Variants in TRIM5 observed in about 807,000 individuals in gnomAD.
TRIM5 encodes tripartite motif-containing protein 5.
A neutral mutation model predicts 35.6 loss-of-function variants in TRIM5; 31 were observed. That is an observed-to-expected ratio of 0.87 (90% CI 0.65 to 1.18). The LOEUF is 1.18. Among genes scored for constraint, TRIM5 ranks in the 50% most tolerant of loss-of-function variants. TRIM5 has a pLI of 0.00. For synonymous variants in TRIM5, 243 were observed against 215.6 expected, an observed-to-expected ratio of 1.13 and a Z score of -1.11; for missense variants, 609 against 591.6, an observed-to-expected ratio of 1.03 and a Z score of -0.31.
chr11:5,671,617 A>C (rs1390311843), intron 4 of TRIM5, among the ~76,000 whole-genome samples: 4 of 152,128 alleles, frequency 2.6e-5, no homozygotes, highest in Admixed American at 6.5e-5. Context: ...CATCAATAAA[A>C]ATTTTCTGAT....
At chr11:5,644,206 G>A in the TRIM5 span, 1 of 398,958 alleles carries the variant, frequency 2.5e-6, no homozygotes, top group African/African-American at 2.1e-5. Flanking sequence ...CAGAGTATTT[G>A]AGCTCAAACC....
At chr11:5,666,768 CAAG>C (rs909358605) in intron 5 of TRIM5, among the ~76,000 whole-genome samples, 5 of 152,254 alleles carry the variant, frequency 3.3e-5, no homozygotes, top group Non-Finnish European at 2.9e-5. Context: ...ATTTTAGACA[CAAG>C]AATAGCACCT....
the TRIM5 span, among the ~76,000 whole-genome samples, chr11:5,621,589 C>T: frequency 8.5e-5 from 13 of 152,174 alleles, no homozygotes; most frequent in Non-Finnish European, 1.6e-4. Context: ...GATTTTTCTA[C>T]CATTAATATA....
chr11:5,623,105 CTTTTTTTTTTTT>C, the TRIM5 span, among the ~76,000 whole-genome samples: 1 of 106,838 alleles, frequency 9.4e-6, no homozygotes, highest in Non-Finnish European at 1.9e-5. Context: ...CTGTCTGGAG[CTTTTTTTTTTTT>C]TTTTTTTTTA....
At chr11:5,624,323 C>T in the TRIM5 span, among the ~76,000 whole-genome samples, 1 of 152,164 alleles carries the variant, frequency 6.6e-6, no homozygotes, top group Admixed American at 6.5e-5. Flanking sequence ...AGTTTTACCC[C>T]TTTTAAAGAT....
chr11:5,628,894 T>G, the TRIM5 span, among the ~76,000 whole-genome samples: 1 of 152,106 alleles, frequency 6.6e-6, no homozygotes, highest in Admixed American at 6.6e-5. Context: ...TCGGCATTCT[T>G]TGGCTTATAT....
chr11:5,631,406 G>A, the TRIM5 span, among the ~76,000 whole-genome samples: 1 of 152,160 alleles, frequency 6.6e-6, no homozygotes, highest in African/African-American at 2.4e-5. Context: ...TTCTACCATC[G>A]AATTGGGTGA....
At chr11:5,596,227 T>C in the TRIM5 span, 1 of 152,292 alleles carries the variant, frequency 6.6e-6, no homozygotes, top group East Asian at 1.9e-4. Context: ...CTGTCCCCAC[T>C]TGTCTGGAGA....
chr11:5,605,286 G>T, the TRIM5 span: 3 of 1,610,992 alleles, frequency 1.9e-6, no homozygotes, highest in Non-Finnish European at 2.5e-6. Flanking sequence ...TAATAGAGGA[G>T]ACCCTCAGTG....
At chr11:5,647,846 G>A in the TRIM5 span, among the ~76,000 whole-genome samples, 36 of 152,184 alleles carry the variant, frequency 2.4e-4, no homozygotes, top group African/African-American at 6.5e-4. Context: ...TACAAAACCA[G>A]AGCTAGATGG....
At chr11:5,619,941 C>G in the TRIM5 span, 5 of 151,218 alleles carry the variant, frequency 3.3e-5, no homozygotes, top group East Asian at 9.8e-4. Context: ...CTCAAGTGAT[C>G]CACCCGCCTC....
At chr11:5,653,348 T>C in the TRIM5 span, among the ~76,000 whole-genome samples, 1 of 152,230 alleles carries the variant, frequency 6.6e-6, no homozygotes, top group Admixed American at 6.5e-5. Context: ...GGGCTTCCTA[T>C]ATCTGGATAT....
At chr11:5,605,637 G>A in the TRIM5 span, 1 of 1,501,494 alleles carries the variant, frequency 6.7e-7, no homozygotes, top group Admixed American at 2.4e-5. Flanking sequence ...TCCTTTCTGG[G>A]ACATCAGACT....
chr11:5,605,462 T>C, the TRIM5 span: 1 of 1,614,100 alleles, frequency 6.2e-7, no homozygotes, highest in South Asian at 1.1e-5. Flanking sequence ...GGCTACGAAT[T>C]ATAGAAGAGG....
the TRIM5 span, chr11:5,590,935 CTTCAA>C: frequency 6.1e-6 from 1 of 163,254 alleles, no homozygotes; most frequent in African/African-American, 2.4e-5. Context: ...GACACGCAGT[CTTCAA>C]GAACTGTAAT....
the TRIM5 span, among the ~76,000 whole-genome samples, chr11:5,600,701 T>G: frequency 6.6e-6 from 1 of 152,304 alleles, no homozygotes; most frequent in Non-Finnish European, 1.5e-5. Context: ...GGACTGTTTT[T>G]TACATCAGTG....
chr11:5,617,839 C>CT, the TRIM5 span, among the ~76,000 whole-genome samples: 34,632 of 151,338 alleles, frequency 0.23, 4,521 homozygotes, highest in African/African-American at 0.37. Context: ...TGTCATTATC[C>CT]TTTTTTTAAA....
At chr11:5,653,420 G>T in the TRIM5 span, among the ~76,000 whole-genome samples, 92 of 150,902 alleles carry the variant, frequency 6.1e-4, no homozygotes, top group African/African-American at 2.1e-3. Flanking sequence ...GATTTTCCTT[G>T]CTTTCTCTCA....
At chr11:5,670,348 T>TC (rs1851495099) in intron 4 of TRIM5, among the ~76,000 whole-genome samples, 2 of 150,988 alleles carry the variant, frequency 1.3e-5, no homozygotes, top group South Asian at 4.2e-4. Context: ...CAGCTAATTT[T>TC]TTTTTCTTTT....
Sources: gnomAD v4.1 joint callset for allele counts (sites outside exome capture counted in the v4.1 genomes callset) on GRCh38, gnomAD v4.1.1 for gene constraint, MANE v1.5 for transcripts, NCBI Gene and HGNC (gene_info 2026-07-23, HGNC 2026-07-21) for gene names.